Variants in FBXO45 observed in about 807,000 individuals in gnomAD.
FBXO45 encodes the protein F-box protein 45.
A neutral mutation model predicts 25.5 loss-of-function variants in FBXO45; 3 were observed. The ratio of observed to expected loss-of-function variants is 0.12; its 90% CI spans 0.05 to 0.30. The LOEUF is 0.30. Among genes scored for constraint, FBXO45 ranks in the 10% least tolerant of loss-of-function variants. The pLI is 1.00. For synonymous variants in FBXO45, 155 were observed against 149.8 expected, an observed-to-expected ratio of 1.03 and a Z score of -0.25; for missense variants, 219 against 365.0, an observed-to-expected ratio of 0.60 and a Z score of 3.26.
rs1319997963 is a variant in FBXO45, at chr3:196,585,043, T to C, written c.*725T>C. 6.6e-6 allele frequency: 1 copy of C among 152,220 alleles called. No individual in the cohort carries two copies. Among genetic ancestry groups the C allele is most frequent in the Non-Finnish European group, 1.5e-5 (1 of 68,036 alleles). 9.4% of individuals were successfully genotyped at this position (152,220 alleles called of 1,614,324 possible). A position where few individuals can be genotyped will look rare whatever the true frequency, so the allele number is the denominator to read the frequency against. The stretch of plus-strand genomic sequence containing the variant: ...AGATGTGTTGTATTGACTCATTTTG[T>C]ATTATTTTTGGCTTACAGTTCCCAT... On this transcript the variant is annotated 3_prime_UTR_variant, in exon 3 of 3. Transcript: ENST00000311630.
At chr3:196,579,057 T>G (rs1177569348) in intron 2 of FBXO45, among the ~76,000 whole-genome samples, 1 of 152,200 alleles carries the variant, frequency 6.6e-6, no homozygotes, top group Non-Finnish European at 1.5e-5. Flanking sequence ...ACAGGCAAAT[T>G]CAGGCAAACT....
At chr3:196,572,326 A>G (rs773602440) in intron 1 of FBXO45, among the ~76,000 whole-genome samples, 30 of 152,378 alleles carry the variant, frequency 2.0e-4, no homozygotes, top group Non-Finnish European at 3.5e-4. Flanking sequence ...ATATTAATCA[A>G]ATAATCACAC....
At chr3:196,579,284 C>T (rs950371173) in intron 2 of FBXO45, among the ~76,000 whole-genome samples, 1 of 152,202 alleles carries the variant, frequency 6.6e-6, no homozygotes, top group African/African-American at 2.4e-5. Context: ...CAGTAATGAC[C>T]TCAAGTCAGG....
chr3:196,570,712 C>CTTTTTTTTTTTTTTT (rs71161937), intron 1 of FBXO45, among the ~76,000 whole-genome samples: 1 of 99,852 alleles, frequency 1.0e-5, no homozygotes, highest in Non-Finnish European at 2.2e-5. Context: ...TTTCTTTTTT[C>CTTTTTTTTTTTTTTT]TTTTTTTTTT....
At chr3:196,574,176 G>A (rs1382332344) in intron 1 of FBXO45, among the ~76,000 whole-genome samples, 3 of 151,930 alleles carry the variant, frequency 2.0e-5, no homozygotes, top group East Asian at 1.9e-4. Flanking sequence ...CTCGTGATCC[G>A]CCTGCCTCGG....
In FBXO45 at chr3:196,585,456, T is replaced by TA. The variant is rs1385590009; in HGVS notation, c.*1138_*1139insA. ...ACTAATCTAAGCCTCAAACTCGTTA[T>TA]TGGGGCTATAAAGAAAACGTTTACT... On this transcript the variant is annotated 3_prime_UTR_variant, in exon 3 of 3. Transcript: ENST00000311630. The TA allele has an allele frequency of 5.3e-5, 8 of 152,360 alleles. No individual in the cohort carries two copies. The highest frequency in any genetic ancestry group is 1.0e-4 in the Non-Finnish European group (7 of 68,032). The allele number at this position is 152,360 out of a possible 1,614,324, so 9.4% of individuals were successfully genotyped here. A position where few individuals can be genotyped will look rare whatever the true frequency, so the allele number is the denominator to read the frequency against.
chr3:196,570,829 A>G (rs1272805012), intron 1 of FBXO45, among the ~76,000 whole-genome samples: 2 of 148,992 alleles, frequency 1.3e-5, no homozygotes, highest in African/African-American at 5.0e-5. Context: ...CTCCTGCCTC[A>G]GCCTCCTGAG....
At chr3:196,583,169 T>C (rs1437960222) in intron 2 of FBXO45, among the ~76,000 whole-genome samples, 1 of 152,218 alleles carries the variant, frequency 6.6e-6, no homozygotes, top group Admixed American at 6.5e-5. Context: ...TCTATCTATG[T>C]TGTAGCATAT....
chr3:196,578,556 G>A (rs1735956574), intron 2 of FBXO45, among the ~76,000 whole-genome samples: 1 of 151,676 alleles, frequency 6.6e-6, no homozygotes, highest in Non-Finnish European at 1.5e-5. Flanking sequence ...TCTATCACGA[G>A]TTTCAACTCT....
Position 196,569,430 on chromosome 3 carries a change from G to GT in FBXO45, c.318+129dup. 1.2e-6 allele frequency: 1 copy of GT among 863,036 alleles called. No individual in the cohort carries two copies. The highest frequency in any genetic ancestry group is 2.8e-5 in the East Asian group (1 of 35,328). 53.5% of individuals were successfully genotyped at this position (863,036 alleles called of 1,614,324 possible). On this transcript the variant is annotated intron_variant, in intron 1 of 2. Transcript: ENST00000311630. This position sits in a 1 kb window ranked among gnomAD's most constrained non-coding sequence, Gnocchi z 4.1. ...GCCCGCCTTTCCACGGCTCCAGTCA[G>GT]TATCTTCCTCACCTCCCCCCAAGAT...
chr3:196,570,705 CTTTTTTCTTT>C (rs1676601568), intron 1 of FBXO45, among the ~76,000 whole-genome samples: 1 of 136,320 alleles, frequency 7.3e-6, no homozygotes. Flanking sequence ...TTTCTCTTTT[CTTTTTTCTTT>C]TTTTTTTTTT....
rs1242925893 is a variant in FBXO45 at position 196,577,828 on chromosome 3, T to C, written c.675+19T>C. 5 of 1,520,750 alleles carry C rather than the reference T, an allele frequency of 3.3e-6. No homozygotes were observed. Among genetic ancestry groups the C allele is most frequent in the Non-Finnish European group, 4.5e-6 (5 of 1,113,208 alleles). The allele number at this position is 1,520,750 out of a possible 1,614,324, so 94.2% of individuals were successfully genotyped here. On this transcript the variant is annotated intron_variant, in intron 2 of 2. Transcript: ENST00000311630. ...ATATCAGGTGAGAAACTGGGGTTTT[T>C]CTCAAGTATGGGCCTTTGTCAAATC...
In FBXO45 at chr3:196,586,376, T is replaced by A. The variant is rs927911365; in HGVS notation, c.*2058T>A. The A allele has an allele frequency of 2.6e-5, 4 of 152,344 alleles. No homozygotes were observed. Among genetic ancestry groups the A allele is most frequent in the African/African-American group, 9.6e-5 (4 of 41,578 alleles). 9.4% of individuals were successfully genotyped at this position (152,344 alleles called of 1,614,324 possible). A position where few individuals can be genotyped will look rare whatever the true frequency, so the allele number is the denominator to read the frequency against. On this transcript the variant is annotated 3_prime_UTR_variant, in exon 3 of 3. Transcript: ENST00000311630. ...CTGAGTGGAAAACCGAAACACATGG[T>A]TATTGCGTATTGGACCTAGAATGAA...
intron 1 of FBXO45, among the ~76,000 whole-genome samples, chr3:196,571,025 A>G (rs549167092): frequency 2.6e-5 from 4 of 152,022 alleles, no homozygotes; most frequent in South Asian, 2.1e-4. Context: ...TTGTTTTTCT[A>G]TTAAGCGAAA....
intron 1 of FBXO45, among the ~76,000 whole-genome samples, chr3:196,571,333 C>T (rs1266390544): frequency 6.6e-6 from 1 of 152,018 alleles, no homozygotes; most frequent in East Asian, 1.9e-4. Context: ...CTCAAGGGAT[C>T]CTCCTTAGCT....
chr3:196,581,802 T>A (rs1483878833), intron 2 of FBXO45, among the ~76,000 whole-genome samples: 6 of 152,120 alleles, frequency 3.9e-5, no homozygotes, highest in Non-Finnish European at 7.4e-5. Context: ...TCCTGAATGT[T>A]TTGTTTCTAG....
In FBXO45 at chr3:196,569,077, G is replaced by T. The variant is rs1426976142; in HGVS notation, c.93G>T (p.Gly31=). 4 of 1,425,158 alleles carry T rather than the reference G, an allele frequency of 2.8e-6. No homozygotes were observed. Among genetic ancestry groups the T allele is most frequent in the Middle Eastern group, 2.2e-4 (1 of 4,552 alleles). The allele number at this position is 1,425,158 out of a possible 1,614,324, so 88.3% of individuals were successfully genotyped here. A position where few individuals can be genotyped will look rare whatever the true frequency, so the allele number is the denominator to read the frequency against. Residue 31 remains glycine (G), a synonymous_variant, in exon 1 of 3, where the codon GGG becomes GGT. Transcript: ENST00000311630. The surrounding 1 kb of genome is among the most constrained non-coding windows in gnomAD (Gnocchi z 4.1). Reference sequence around the variant, plus strand: ...GCGCGGGCGCGGGCTCGGGCTCTGGGGCCGCGGGGGCCGGGGGCCGGCTGC... The same window carrying T: ...GCGCGGGCGCGGGCTCGGGCTCTGGTGCCGCGGGGGCCGGGGGCCGGCTGC... ...GAGAGAGSGS[G]AAGAGGRLPS...
In FBXO45 at chr3:196,587,703, C is replaced by G. The variant is rs1057150574; in HGVS notation, c.*3385C>G. The G allele has an allele frequency of 4.6e-5, 7 of 152,150 alleles. No homozygotes were observed. The East Asian group carries it at 9.7e-4, about 21-fold the overall frequency. 9.4% of individuals were successfully genotyped at this position (152,150 alleles called of 1,614,324 possible). ...TACCCAGCTTTAACTTTTAAATCCC[C>G]AAACTATGTAGATTGTCATATTAAT... On this transcript the variant is annotated 3_prime_UTR_variant, in exon 3 of 3. Transcript: ENST00000311630.
chr3:196,575,338 C>T (rs1735894790), intron 1 of FBXO45, among the ~76,000 whole-genome samples: 1 of 151,710 alleles, frequency 6.6e-6, no homozygotes, highest in African/African-American at 2.4e-5. Flanking sequence ...CGTCTGTAAT[C>T]CCAGCTACTC....
Sources: gnomAD v4.1 joint callset for allele counts (sites outside exome capture counted in the v4.1 genomes callset) on GRCh38, gnomAD v4.1.1 for gene constraint, Gnocchi (gnomAD v3.1) non-coding constraint, MANE v1.5 for transcripts, NCBI Gene and HGNC (gene_info 2026-07-23, HGNC 2026-07-21) for gene names.